Variants in TUSC3 observed in about 807,000 individuals in gnomAD.
TUSC3 encodes dolichyl-diphosphooligosaccharide--protein glycosyltransferase subunit TUSC3.
Under a neutral mutation model 44.8 loss-of-function variants are expected in TUSC3, and 45 were observed. The ratio of observed to expected loss-of-function variants is 1.00; its 90% CI spans 0.79 to 1.29. The LOEUF (loss-of-function observed/expected upper bound fraction) is 1.29, where lower values mean the gene tolerates loss of function less well. Among genes scored for constraint, TUSC3 ranks in the 50% most tolerant of loss-of-function variants. The pLI, the probability that TUSC3 is intolerant of heterozygous loss-of-function variation, is 0.00. For missense variants in TUSC3, 519 were observed against 437.9 expected, an observed-to-expected ratio of 1.19 and a Z score of -1.65; for synonymous variants, 212 against 152.9, an observed-to-expected ratio of 1.39 and a Z score of -2.85.
chr8:15,481,094 C>T (rs375040622), intron 1 of TUSC3, among the ~76,000 whole-genome samples: 7 of 151,782 alleles, frequency 4.6e-5, no homozygotes, highest in African/African-American at 1.5e-4. Context: ...CTAAAAAATA[C>T]AAAAATATCC....
chr8:15,809,035 G>A, the TUSC3 span, among the ~76,000 whole-genome samples: 1 of 152,100 alleles, frequency 6.6e-6, no homozygotes, highest in East Asian at 1.9e-4. Flanking sequence ...AAGAGACAAG[G>A]GTTGGTGGGA....
the TUSC3 span, among the ~76,000 whole-genome samples, chr8:15,828,903 G>C: frequency 1.3e-5 from 2 of 152,126 alleles, no homozygotes; most frequent in Non-Finnish European, 2.9e-5. Context: ...GCAAACAAAT[G>C]TTGGAGTGAA....
chr8:15,801,124 A>G, the TUSC3 span, among the ~76,000 whole-genome samples: 1 of 152,212 alleles, frequency 6.6e-6, no homozygotes, highest in African/African-American at 2.4e-5. Context: ...TACTCCATAG[A>G]CAGAGCACCC....
At chr8:15,767,177 A>C (rs374582730), downstream of TUSC3, among the ~76,000 whole-genome samples, 13 of 152,216 alleles carry the variant, frequency 8.5e-5, no homozygotes, top group African/African-American at 3.1e-4. Context: ...GATATAATTC[A>C]CGAGCATCTG....
intron 1 of TUSC3, among the ~76,000 whole-genome samples, chr8:15,465,513 A>G (rs572348650): frequency 3.9e-5 from 6 of 152,326 alleles, no homozygotes; most frequent in Admixed American, 2.0e-4. Context: ...TAAAAAATGC[A>G]AATTGATTTG....
intron 1 of TUSC3, among the ~76,000 whole-genome samples, chr8:15,458,895 C>T (rs1299852457): frequency 6.6e-6 from 1 of 152,174 alleles, no homozygotes; most frequent in Admixed American, 6.5e-5. Flanking sequence ...ATGTAAGCTC[C>T]TCTACTTTTG....
intron 1 of TUSC3, among the ~76,000 whole-genome samples, chr8:15,469,133 G>T (rs1280879380): frequency 2.0e-5 from 3 of 152,114 alleles, no homozygotes; most frequent in African/African-American, 7.2e-5. Context: ...AACCACCAAA[G>T]CATGATTTAT....
At chr8:15,845,271 T>A in the TUSC3 span, among the ~76,000 whole-genome samples, 1 of 152,154 alleles carries the variant, frequency 6.6e-6, no homozygotes, top group African/African-American at 2.4e-5. Context: ...CATGTGACCC[T>A]GCGCAAGGCA....
At chr8:15,674,663 C>T (rs891219652) in intron 6 of TUSC3, among the ~76,000 whole-genome samples, 6 of 151,556 alleles carry the variant, frequency 4.0e-5, no homozygotes, top group Non-Finnish European at 8.8e-5. Context: ...TCAATTTGGG[C>T]CCATATTTTT....
intron 2 of TUSC3, among the ~76,000 whole-genome samples, chr8:15,501,980 A>G (rs1006491838): frequency 6.6e-6 from 1 of 152,134 alleles, no homozygotes; most frequent in African/African-American, 2.4e-5. Context: ...GTTTACCTTT[A>G]TGTTTCTAAG....
chr8:15,424,557 A>G lies in TUSC3; in HGVS notation n.91+7252A>G, dbSNP rs576445134. On this transcript the variant is annotated intron_variant and non_coding_transcript_variant, in intron 1 of 5. Transcript: ENST00000503191. ...CCGCAGCAGACCCAGAACTACCATC[A>G]TGAGCCTTACGGATGTTAAAGTTGA... 3.5e-4 allele frequency among the ~76,000 whole-genome samples: 53 copies of G among 152,320 alleles called. 1 individual carries two copies. The highest frequency in any genetic ancestry group is 1.2e-3 in the African/African-American group (49 of 41,572).
chr8:15,811,009 T>C, the TUSC3 span, among the ~76,000 whole-genome samples: 32,261 of 151,980 alleles, frequency 0.21, 4,068 homozygotes, highest in African/African-American at 0.35. Flanking sequence ...TTCCAGTTTC[T>C]GAGTTAAATA....
intron 1 of TUSC3, among the ~76,000 whole-genome samples, chr8:15,435,877 T>C (rs942101616): frequency 6.6e-6 from 1 of 152,214 alleles, no homozygotes; most frequent in African/African-American, 2.4e-5. Flanking sequence ...ACAGATTACC[T>C]CCAAAGCTTA....
chr8:15,581,237 T>A (rs1405068495), intron 1 of TUSC3, among the ~76,000 whole-genome samples: 1 of 132,582 alleles, frequency 7.5e-6, no homozygotes, highest in East Asian at 2.2e-4. Context: ...TTTTCAAAGT[T>A]TTCAACTTCT....
At chr8:15,731,369 C>T (rs1563194762) in intron 7 of TUSC3, among the ~76,000 whole-genome samples, 1 of 152,102 alleles carries the variant, frequency 6.6e-6, no homozygotes, top group East Asian at 1.9e-4. Flanking sequence ...CATTGATTCT[C>T]ATTATGAGAA....
At chr8:15,457,889 A>G (rs1270957823) in intron 1 of TUSC3, among the ~76,000 whole-genome samples, 1 of 149,328 alleles carries the variant, frequency 6.7e-6, no homozygotes, top group African/African-American at 2.4e-5. Context: ...ATTACTAATT[A>G]ATTAATTAGA....
At chr8:15,674,305 T>C (rs1808086558) in intron 6 of TUSC3, among the ~76,000 whole-genome samples, 1 of 152,010 alleles carries the variant, frequency 6.6e-6, no homozygotes, top group African/African-American at 2.4e-5. Context: ...GATATGTTGT[T>C]ACATTAGTAG....
intron 1 of TUSC3, among the ~76,000 whole-genome samples, chr8:15,590,418 C>CT (rs1803777805): frequency 6.6e-6 from 1 of 152,074 alleles, no homozygotes; most frequent in African/African-American, 2.4e-5. Context: ...TGAACATTAG[C>CT]TTTTGTTTTC....
At position 15,730,726 on chromosome 8, in the gene TUSC3, C is replaced by A. The variant is rs151322378; in HGVS notation, c.859C>A (p.Leu287Met). The change falls in exon 7 of 11, where the codon CTG becomes ATG. Residue 287 changes from leucine (L) to methionine (M), a missense_variant. Leu to Met is a conservative substitution (Grantham distance 15). Transcript: ENST00000503731. ...FVAESHIILV[L>M]NAAITMGMVL... ...GGCAGAATCACACATTATTCTGGTA[C>A]TGAGTATCCTTTTAAGATACCGACG... 1 of 1,612,884 alleles carries A rather than the reference C, an allele frequency of 6.2e-7. No homozygotes were observed. Among genetic ancestry groups the A allele is most frequent in the African/African-American group, 1.3e-5 (1 of 74,976 alleles).
Sources: allele counts gnomAD v4.1 joint callset (sites outside exome capture counted in the v4.1 genomes callset), GRCh38; gene constraint gnomAD v4.1.1; transcripts MANE v1.5; gene names NCBI Gene and HGNC (gene_info 2026-07-23, HGNC 2026-07-21).